The following FAM107B variants were observed in gnomAD, a reference collection of about 807,000 sequenced individuals.
FAM107B encodes the protein family with sequence similarity 107 member B.
In FAM107B, 21 loss-of-function variants were observed where a neutral mutation model predicts 31.5. That is an observed-to-expected ratio of 0.67 (90% CI 0.47 to 0.96). FAM107B has a LOEUF of 0.96. Among genes scored for constraint, FAM107B ranks in the 40% least tolerant of loss-of-function variants. The pLI, the probability that FAM107B is intolerant of heterozygous loss-of-function variation, is 0.00. For synonymous variants in FAM107B, 157 were observed against 141.5 expected (o/e 1.11, Z -0.78); for missense variants, 452 against 377.1 (o/e 1.20, Z -1.64).
At chr10:14,697,137 G>C (rs1027896933) in intron 1 of FAM107B, among the ~76,000 whole-genome samples, 2 of 152,104 alleles carry the variant, frequency 1.3e-5, no homozygotes, top group African/African-American at 4.8e-5. Flanking sequence ...CTGTGCTTGG[G>C]GCTCTGGCTG....
chr10:14,556,645 G>T (rs1043570332), intron 2 of FAM107B, among the ~76,000 whole-genome samples: 1 of 152,248 alleles, frequency 6.6e-6, no homozygotes, highest in African/African-American at 2.4e-5. Context: ...ATCCTGCCAT[G>T]GAACAGCAGG....
chr10:14,552,963 C>G (rs1216164788), intron 2 of FAM107B, among the ~76,000 whole-genome samples: 1 of 152,216 alleles, frequency 6.6e-6, no homozygotes, highest in Non-Finnish European at 1.5e-5. Context: ...AGTAATTTGG[C>G]AGCTCTCTTG....
intron 1 of FAM107B, among the ~76,000 whole-genome samples, chr10:14,679,964 C>A (rs1396645079): frequency 1.3e-5 from 2 of 152,220 alleles, no homozygotes; most frequent in African/African-American, 4.8e-5. Flanking sequence ...GGACTGGCTT[C>A]CTTGATCCTC....
rs569598413 is a variant in FAM107B, at chr10:14,774,364, C to A, written c.300G>T (p.Gln100His). 1 of 1,614,226 alleles carries A rather than the reference C, an allele frequency of 6.2e-7. No homozygotes were observed. The highest frequency in any genetic ancestry group is 8.5e-7 in the Non-Finnish European group (1 of 1,180,042). The stretch of plus-strand genomic sequence containing the variant: ...GCACATCTTCAGGCGTCTCCGCGGG[C>A]TGGGCCGCAGTGCGGTGACTTGAAT... ...NRNSSHRTAA[Q>H]PAETPEDVPG... Residue 100 changes from glutamine to histidine, a missense_variant, in exon 1 of 5, where the codon CAG becomes CAT. Transcript: ENST00000181796.
intron 2 of FAM107B, chr10:14,604,143 CGAGAGGG>C: frequency 2.4e-6 from 2 of 840,638 alleles, no homozygotes; most frequent in Non-Finnish European, 2.9e-6. Flanking sequence ...GCCCGCCCGC[CGAGAGGG>C]TCCCCGGAGC....
chr10:14,719,873 G>C (rs555128107), intron 1 of FAM107B, among the ~76,000 whole-genome samples: 1 of 152,232 alleles, frequency 6.6e-6, no homozygotes, highest in East Asian at 1.9e-4. Flanking sequence ...TGGCCTTTAG[G>C]CTGTTCAGCT....
intron 2 of FAM107B, among the ~76,000 whole-genome samples, chr10:14,581,704 C>A (rs1851641667): frequency 6.6e-6 from 1 of 152,202 alleles, no homozygotes; most frequent in South Asian, 2.1e-4. Context: ...AGTTGGAGAA[C>A]AGCCTGGGCA....
chr10:14,762,564 G>C (rs1254994383), intron 1 of FAM107B, among the ~76,000 whole-genome samples: 3 of 152,078 alleles, frequency 2.0e-5, no homozygotes, highest in Non-Finnish European at 2.9e-5. Flanking sequence ...AGACCAGCCT[G>C]GCCAACATGG....
intron 3 of FAM107B, chr10:14,528,173 G>GTTT (rs1846517403): frequency 2.5e-5 from 2 of 78,628 alleles, no homozygotes; most frequent in Non-Finnish European, 4.8e-5. Context: ...TTTAAGTTTT[G>GTTT]GTTTTTTTTT....
At chr10:14,654,792 G>A (rs1395952229) in intron 2 of FAM107B, among the ~76,000 whole-genome samples, 9 of 152,124 alleles carry the variant, frequency 5.9e-5, no homozygotes, top group African/African-American at 2.2e-4. Context: ...AAAAAATCCC[G>A]TTCCCTTTTA....
chr10:14,628,112 G>GGT (rs1440347763), intron 2 of FAM107B, among the ~76,000 whole-genome samples: 1 of 92,676 alleles, frequency 1.1e-5, no homozygotes, highest in Admixed American at 1.4e-4. Flanking sequence ...TGTTTTGCTG[G>GGT]TTTTTTTTTT....
intron 1 of FAM107B, among the ~76,000 whole-genome samples, chr10:14,754,825 G>A (rs544015536): frequency 4.6e-5 from 7 of 152,292 alleles, no homozygotes; most frequent in African/African-American, 1.7e-4. Flanking sequence ...CAACCATACG[G>A]ATAATTTTAT....
At chr10:14,577,472 G>A (rs1430848191) in intron 2 of FAM107B, among the ~76,000 whole-genome samples, 1 of 152,194 alleles carries the variant, frequency 6.6e-6, no homozygotes, top group South Asian at 2.1e-4. Flanking sequence ...TTACAGCTAC[G>A]TATATAAACT....
chr10:14,531,912 C>A (rs1361567720), intron 2 of FAM107B, among the ~76,000 whole-genome samples: 1 of 152,196 alleles, frequency 6.6e-6, no homozygotes, highest in African/African-American at 2.4e-5. Context: ...GGAACCCATT[C>A]TCAGTCTACA....
At chr10:14,724,714 C>T (rs890876006) in intron 1 of FAM107B, among the ~76,000 whole-genome samples, 3 of 151,880 alleles carry the variant, frequency 2.0e-5, no homozygotes, top group African/African-American at 7.3e-5. Context: ...ACCTAAACAT[C>T]GTCACACAAG....
At chr10:14,548,734 G>GA (rs1848956647) in intron 2 of FAM107B, 4 of 869,324 alleles carry the variant, frequency 4.6e-6, no homozygotes, top group Middle Eastern at 5.9e-4. Context: ...AAACGTGCCA[G>GA]AAAAATGCAA....
rs1343072597 is a variant in FAM107B, at chr10:14,672,099, T to A, written c.412-4408A>T. 1.0e-3 allele frequency among the ~76,000 whole-genome samples: 6 copies of A among 5,802 alleles called. No individual in the cohort carries two copies. The East Asian group carries it at 0.021, about 20-fold the overall frequency. 3.8% of individuals were successfully genotyped at this position (5,802 alleles called of 152,430 possible). On this transcript the variant is annotated intron_variant, in intron 1 of 4. Coordinates refer to ENST00000181796, the MANE Select transcript of FAM107B (RefSeq NM_031453.4). Reference sequence around the variant, plus strand: ...TTTTTCTTTCTTTTTATTTTTTATTTATTTATTTTTTTTTTTGAGGCAAAG... The same window carrying A: ...TTTTTCTTTCTTTTTATTTTTTATTAATTTATTTTTTTTTTTGAGGCAAAG...
chr10:14,543,476 G>A (rs901076389), intron 2 of FAM107B, among the ~76,000 whole-genome samples: 2 of 151,876 alleles, frequency 1.3e-5, no homozygotes, highest in African/African-American at 2.4e-5. Flanking sequence ...TGTAGGACCC[G>A]TGACTCAGGA....
intron 2 of FAM107B, among the ~76,000 whole-genome samples, chr10:14,620,438 CT>C (rs1852979905): frequency 6.6e-6 from 1 of 152,254 alleles, no homozygotes; most frequent in South Asian, 2.1e-4. Flanking sequence ...AGTCATCTAA[CT>C]TTGTTGTTCT....
Sources: gnomAD v4.1 joint callset for allele counts (sites outside exome capture counted in the v4.1 genomes callset) on GRCh38, gnomAD v4.1.1 for gene constraint, MANE v1.5 for transcripts, NCBI Gene and HGNC (gene_info 2026-07-23, HGNC 2026-07-21) for gene names.